DCHS2: variants seen among roughly 807,000 people sequenced by gnomAD.
The protein encoded by DCHS2 is protocadherin-23.
A neutral mutation model predicts 182.4 loss-of-function variants in DCHS2; 142 were observed. The ratio of observed to expected loss-of-function variants is 0.78; its 90% CI spans 0.68 to 0.89. The LOEUF (loss-of-function observed/expected upper bound fraction) is 0.89, where lower values mean the gene tolerates loss of function less well. Among genes scored for constraint, DCHS2 ranks in the 40% least tolerant of loss-of-function variants. The pLI, the probability that DCHS2 is intolerant of heterozygous loss-of-function variation, is 0.00. For missense variants in DCHS2, 4,319 were observed against 4,198.6 expected (o/e 1.03, Z -0.79); for synonymous variants, 1,740 against 1,663.3 (o/e 1.05, Z -1.12).
chr4:154,488,174 T>C (rs1185362585), intron 1 of DCHS2, among the ~76,000 whole-genome samples: 4 of 149,796 alleles, frequency 2.7e-5, no homozygotes, highest in Non-Finnish European at 5.9e-5. Context: ...CAAGACCTTG[T>C]CTCAAAAAAA....
chr4:154,465,195 C>A (rs546992307), intron 1 of DCHS2, among the ~76,000 whole-genome samples: 1 of 152,108 alleles, frequency 6.6e-6, no homozygotes, highest in African/African-American at 2.4e-5. Flanking sequence ...CAGATCGAGC[C>A]GCAATCATGT....
rs1350921673 is a variant in DCHS2, at chr4:154,326,204, G to C, written c.4018+1889C>G. ...CGAAGTCGTCACAACAAGGAGTCTGGGCATGCTTTAAAAACCTTTTTAATT... is the reference window on the plus strand; with the variant it reads ...CGAAGTCGTCACAACAAGGAGTCTGCGCATGCTTTAAAAACCTTTTTAATT... On this transcript the variant is annotated intron_variant, in intron 7 of 19. Transcript: ENST00000357232. 3.3e-5 allele frequency among the ~76,000 whole-genome samples: 5 copies of C among 151,992 alleles called. No individual in the cohort carries two copies. In the East Asian group the frequency reaches 9.6e-4, roughly 29 times the overall value.
At chr4:154,308,261 A>G (rs1561030139) in intron 10 of DCHS2, among the ~76,000 whole-genome samples, 1 of 151,972 alleles carries the variant, frequency 6.6e-6, no homozygotes, top group Non-Finnish European at 1.5e-5. Flanking sequence ...TTTAAAAAAA[A>G]AAAACAAAAA....
chr4:154,268,420 T>C (rs551895419), intron 14 of DCHS2, among the ~76,000 whole-genome samples: 8 of 152,196 alleles, frequency 5.3e-5, no homozygotes, highest in Non-Finnish European at 1.0e-4. Context: ...AGGGAGCATG[T>C]ACAGTGTGGA....
intron 10 of DCHS2, among the ~76,000 whole-genome samples, chr4:154,311,009 G>T (rs1175852878): frequency 6.6e-6 from 1 of 151,832 alleles, no homozygotes; most frequent in Non-Finnish European, 1.5e-5. Context: ...AGACCGTAAA[G>T]CACACAAAGC....
chr4:154,255,263 C>T (rs1186098529), intron 16 of DCHS2, among the ~76,000 whole-genome samples: 1 of 152,198 alleles, frequency 6.6e-6, no homozygotes, highest in Non-Finnish European at 1.5e-5. Flanking sequence ...AATAGCATCA[C>T]AAATTCATAA....
At chr4:154,435,896 CA>C (rs1733759260) in intron 1 of DCHS2, among the ~76,000 whole-genome samples, 1 of 152,148 alleles carries the variant, frequency 6.6e-6, no homozygotes, top group African/African-American at 2.4e-5. Context: ...GGCTCAGTGA[CA>C]GCAAAAAGTG....
intron 1 of DCHS2, among the ~76,000 whole-genome samples, chr4:154,385,198 T>A (rs1243355556): frequency 2.0e-5 from 3 of 151,572 alleles, no homozygotes; most frequent in Non-Finnish European, 2.9e-5. Context: ...CTTGCAATAG[T>A]TTGCTGAGAA....
intron 1 of DCHS2, among the ~76,000 whole-genome samples, chr4:154,479,385 G>GA (rs59323980): frequency 0.17 from 25,299 of 151,676 alleles, 2,566 homozygotes; most frequent in Admixed American, 0.28. Flanking sequence ...GAATAGAGCA[G>GA]AAAAAAATAT....
At position 154,303,810 on chromosome 4, in the gene DCHS2, T is replaced by C. The variant is rs145469204; in HGVS notation, c.5605+859A>G. ...TCTGTAAATTGTTGAAAACTGATAA[T>C]AATGTAAATGATTCTTATCCACAGA... On this transcript the variant is annotated intron_variant, in intron 12 of 19. Transcript: ENST00000357232. Among the ~76,000 whole-genome samples the C allele has an allele frequency of 6.6e-5, 10 of 152,302 alleles. No individual in the cohort carries two copies. In the East Asian group the frequency reaches 1.9e-3, roughly 29 times the overall value.
At chr4:154,256,986 A>G (rs1210661188) in intron 15 of DCHS2, among the ~76,000 whole-genome samples, 1 of 152,200 alleles carries the variant, frequency 6.6e-6, no homozygotes, top group Non-Finnish European at 1.5e-5. Flanking sequence ...CCATACATTT[A>G]AAAGTGCTAC....
At chr4:154,438,015 AG>A (rs943372567) in intron 1 of DCHS2, among the ~76,000 whole-genome samples, 9 of 152,090 alleles carry the variant, frequency 5.9e-5, no homozygotes, top group Admixed American at 1.3e-4. Context: ...CCTAAAAAAA[AG>A]TTAATAAAAT....
At chr4:154,307,711 C>A (rs963045529) in intron 10 of DCHS2, among the ~76,000 whole-genome samples, 3 of 152,140 alleles carry the variant, frequency 2.0e-5, no homozygotes, top group Admixed American at 2.0e-4. Context: ...ATGGCTGGGG[C>A]TACAGAAAAT....
chr4:154,392,412 A>C (rs143765469), intron 1 of DCHS2, among the ~76,000 whole-genome samples: 15 of 152,318 alleles, frequency 9.8e-5, no homozygotes, highest in Non-Finnish European at 1.3e-4. Flanking sequence ...AACTCAAGGG[A>C]AACCCATCGT....
At position 154,491,544 on chromosome 4, in the gene DCHS2, A is replaced by G; in HGVS notation, c.-189T>C. 5.8e-6 allele frequency: 8 copies of G among 1,385,042 alleles called. No individual in the cohort carries two copies. The highest frequency in any genetic ancestry group is 7.4e-6 in the Non-Finnish European group (8 of 1,076,034). The allele number at this position is 1,385,042 out of a possible 1,614,324, so 85.8% of individuals were successfully genotyped here. A position where few individuals can be genotyped will look rare whatever the true frequency, so the allele number is the denominator to read the frequency against. ...TGAAAGCGTCCTCTGCCTGCAGCTC[A>G]CGCAGACAGGGAAGTAAGCTCTAGC... On this transcript the variant is annotated 5_prime_UTR_variant, in exon 1 of 20. Coordinates refer to ENST00000357232, the MANE Select transcript of DCHS2 (RefSeq NM_001358235.2).
chr4:154,247,953 T>C (rs939181639), intron 16 of DCHS2, among the ~76,000 whole-genome samples: 1 of 152,178 alleles, frequency 6.6e-6, no homozygotes, highest in Non-Finnish European at 1.5e-5. Context: ...GATCTCAGCC[T>C]TGCAATAGGT....
At chr4:154,486,642 G>C in intron 1 of DCHS2, 1 of 955,194 alleles carries the variant, frequency 1.0e-6, no homozygotes, top group Non-Finnish European at 1.4e-6. Context: ...AAGGCAAGAT[G>C]GGGGAGTTGG....
intron 1 of DCHS2, among the ~76,000 whole-genome samples, chr4:154,423,095 C>G (rs919139769): frequency 6.6e-6 from 1 of 152,158 alleles, no homozygotes; most frequent in Non-Finnish European, 1.5e-5. Flanking sequence ...ACCATAAACT[C>G]CACCCATTTA....
intron 7 of DCHS2, among the ~76,000 whole-genome samples, 158 bp downstream of exon 7, chr4:154,327,935 A>G (rs1299622628): frequency 6.6e-6 from 1 of 152,222 alleles, no homozygotes; most frequent in East Asian, 1.9e-4. Flanking sequence ...GTTCTTGACA[A>G]TAGCAAATGT....
Sources: gnomAD v4.1 joint callset for allele counts (sites outside exome capture counted in the v4.1 genomes callset) on GRCh38, gnomAD v4.1.1 for gene constraint, MANE v1.5 for transcripts, NCBI Gene and HGNC (gene_info 2026-07-23, HGNC 2026-07-21) for gene names.